The following SOX6 variants were observed in gnomAD, a reference collection of about 807,000 sequenced individuals.
SOX6 encodes SRY-box transcription factor 6.
In SOX6, 11 loss-of-function variants were observed where a neutral mutation model predicts 97.8. The ratio of observed to expected loss-of-function variants is 0.11; its 90% confidence interval spans 0.07 to 0.19. The LOEUF is 0.19. SOX6 is among the 10% of genes least tolerant of loss of function. The pLI is 1.00. For synonymous variants in SOX6, 360 were observed against 371.4 expected, an observed-to-expected ratio of 0.97 and a Z score of 0.35; for missense variants, 810 against 1,039.5, an observed-to-expected ratio of 0.78 and a Z score of 3.04.
chr11:16,302,566 CT>C (rs71044096), intron 3 of SOX6, among the ~76,000 whole-genome samples: 82 of 86,988 alleles, frequency 9.4e-4, no homozygotes, highest in African/African-American at 2.2e-3. Context: ...TTCTTTTTTT[CT>C]TTTTTTTTTT....
intron 4 of SOX6, among the ~76,000 whole-genome samples, chr11:16,567,567 T>TTC (rs1249253083): frequency 1.7e-5 from 2 of 116,278 alleles, no homozygotes; most frequent in Admixed American, 9.0e-5. Flanking sequence ...TTTTCTTTTT[T>TTC]TTTTTTTTTT....
At chr11:16,685,986 ACCTGGGC>A (rs1354312275) in intron 3 of SOX6, among the ~76,000 whole-genome samples, 1 of 152,214 alleles carries the variant, frequency 6.6e-6, no homozygotes, top group Non-Finnish European at 1.5e-5. Flanking sequence ...GTCGAGCTGC[ACCTGGGC>A]CCCATTGGGC....
At chr11:16,137,518 T>C (rs1850001154) in intron 6 of SOX6, among the ~76,000 whole-genome samples, 1 of 152,192 alleles carries the variant, frequency 6.6e-6, no homozygotes, top group South Asian at 2.1e-4. Flanking sequence ...ATTGTTTAGA[T>C]GTCAAAAGAC....
At chr11:16,227,521 T>A (rs1852721276) in intron 4 of SOX6, among the ~76,000 whole-genome samples, 1 of 151,684 alleles carries the variant, frequency 6.6e-6, no homozygotes, top group African/African-American at 2.4e-5. Context: ...CCTCCTGGGG[T>A]CAAGCGATCT....
intron 1 of SOX6, among the ~76,000 whole-genome samples, chr11:16,380,207 T>G (rs1374798843): frequency 1.3e-5 from 2 of 151,888 alleles, no homozygotes; most frequent in African/African-American, 4.8e-5. Context: ...AAAGAAAAGG[T>G]AGGTAGGAGA....
chr11:16,305,062 G>T (rs1855382296), intron 3 of SOX6, among the ~76,000 whole-genome samples: 1 of 151,894 alleles, frequency 6.6e-6, no homozygotes, highest in Non-Finnish European at 1.5e-5. Flanking sequence ...GTAAAAAATT[G>T]TTCAGTTGGA....
intron 4 of SOX6, among the ~76,000 whole-genome samples, chr11:16,540,452 T>C (rs1267222998): frequency 6.6e-6 from 1 of 152,022 alleles, no homozygotes; most frequent in African/African-American, 2.4e-5. Flanking sequence ...TTCAACATAG[T>C]GTTGGAAGTT....
intron 4 of SOX6, among the ~76,000 whole-genome samples, chr11:16,535,845 T>C (rs1861300812): frequency 6.6e-6 from 1 of 152,220 alleles, no homozygotes; most frequent in Non-Finnish European, 1.5e-5. Flanking sequence ...AGAAGCTTAA[T>C]AGACAAGTCT....
intron 3 of SOX6, among the ~76,000 whole-genome samples, chr11:16,657,190 T>G (rs1355259061): frequency 1.3e-5 from 2 of 152,242 alleles, no homozygotes; most frequent in African/African-American, 4.8e-5. Flanking sequence ...TTTTCCAAAA[T>G]GCCATATGTT....
chr11:16,097,472 C>T (rs546934369), intron 8 of SOX6, 137 bp downstream of exon 8: 2 of 753,842 alleles, frequency 2.7e-6, no homozygotes, highest in Admixed American at 2.1e-5. Context: ...TTACGATAAG[C>T]AAATAAGGTG....
intron 3 of SOX6, among the ~76,000 whole-genome samples, chr11:16,235,905 T>C (rs774886144): frequency 9.2e-5 from 14 of 152,050 alleles, no homozygotes; most frequent in Non-Finnish European, 2.1e-4. Flanking sequence ...CAATTAACAT[T>C]TGTCTGTGAC....
rs1853184099 is a variant in SOX6, at chr11:15,967,837, T to TG, written c.*4971dup. ...CTGAGTTTTCTTCAAGCGTTCATATTGCCATGGACACTGATTAGAAGAGTT... is the reference window on the plus strand; with the variant it reads ...CTGAGTTTTCTTCAAGCGTTCATATTGGCCATGGACACTGATTAGAAGAGTT... On this transcript the variant is annotated 3_prime_UTR_variant, in exon 16 of 16. Transcript: ENST00000683767. The TG allele has an allele frequency of 6.6e-6, 1 of 152,166 alleles. No individual in the cohort carries two copies. Among genetic ancestry groups the TG allele is most frequent in the African/African-American group, 2.4e-5 (1 of 41,438 alleles). 9.4% of individuals were successfully genotyped at this position (152,166 alleles called of 1,614,324 possible).
intron 9 of SOX6, among the ~76,000 whole-genome samples, chr11:16,095,001 C>T (rs947371905): frequency 2.6e-5 from 4 of 151,812 alleles, no homozygotes; most frequent in African/African-American, 9.7e-5. Flanking sequence ...AGGGACCTTT[C>T]ATTGACTACA....
chr11:16,577,444 T>C (rs564114782), intron 4 of SOX6, among the ~76,000 whole-genome samples: 2 of 152,312 alleles, frequency 1.3e-5, no homozygotes, highest in Non-Finnish European at 2.9e-5. Context: ...AGTGAAATTG[T>C]TGTGCTATAC....
At chr11:16,405,800 T>C (rs1369093021) in intron 1 of SOX6, among the ~76,000 whole-genome samples, 1 of 152,026 alleles carries the variant, frequency 6.6e-6, no homozygotes, top group Non-Finnish European at 1.5e-5. Context: ...AGCTCAGTCT[T>C]TGTTCATAGC....
intron 3 of SOX6, among the ~76,000 whole-genome samples, chr11:16,276,972 A>G (rs1468066166): frequency 6.6e-6 from 1 of 152,220 alleles, no homozygotes; most frequent in Non-Finnish European, 1.5e-5. Flanking sequence ...CGCAGTGAGC[A>G]TTCTAGTAAA....
intron 4 of SOX6, among the ~76,000 whole-genome samples, chr11:16,569,146 G>A (rs1427173202): frequency 6.6e-6 from 1 of 152,064 alleles, no homozygotes; most frequent in Non-Finnish European, 1.5e-5. Context: ...TTTTTAGCAT[G>A]CCAACCCCAC....
chr11:16,498,137 G>C (rs546254995), intron 4 of SOX6, among the ~76,000 whole-genome samples: 28 of 152,316 alleles, frequency 1.8e-4, no homozygotes, highest in South Asian at 8.3e-4. Flanking sequence ...AACTCTACAA[G>C]CCAGAAGACA....
intron 13 of SOX6, among the ~76,000 whole-genome samples, chr11:16,008,443 G>A (rs1387003693): frequency 1.3e-5 from 2 of 152,168 alleles, no homozygotes; most frequent in South Asian, 2.1e-4. Context: ...AGAAAAGGCA[G>A]CCCAATGAGA....
Sources: gnomAD v4.1 joint callset for allele counts (sites outside exome capture counted in the v4.1 genomes callset) on GRCh38, gnomAD v4.1.1 for gene constraint, MANE v1.5 for transcripts, NCBI Gene and HGNC (gene_info 2026-07-23, HGNC 2026-07-21) for gene names.